Variants in RIC1 observed in about 807,000 individuals in gnomAD.
RIC1 encodes guanine nucleotide exchange factor subunit RIC1.
RIC1 carries 88 observed loss-of-function variants against 169.0 expected under a neutral mutation model. That is an observed-to-expected ratio of 0.52 (90% confidence interval 0.44 to 0.62). The LOEUF is 0.62. RIC1 is among the 20% of genes least tolerant of loss of function. RIC1 has a pLI of 0.00. For missense variants in RIC1, 1,877 were observed against 1,725.5 expected (o/e 1.09, Z -1.56); for synonymous variants, 790 against 601.5 (o/e 1.31, Z -4.59).
At chr9:5,635,697 A>G (rs1371914910) in intron 1 of RIC1, among the ~76,000 whole-genome samples, 1 of 152,160 alleles carries the variant, frequency 6.6e-6, no homozygotes, top group African/African-American at 2.4e-5. Context: ...AGGACCTGGT[A>G]GGGGGTCATT....
chr9:5,721,555 A>G lies in RIC1; in HGVS notation c.720+805A>G, dbSNP rs148939745. On this transcript the variant is annotated intron_variant, in intron 6 of 25. Coordinates refer to ENST00000414202, the MANE Select transcript of RIC1 (RefSeq NM_020829.4). ...TTGTGGGCATTATTCAGAAAGAATC[A>G]CTCAGGAAACGGCAAACGGGCAGTT... Among the ~76,000 whole-genome samples, 58 of 152,250 alleles carry G rather than the reference A, an allele frequency of 3.8e-4. 3 individuals carry two copies. Among genetic ancestry groups the G allele is most frequent in the Admixed American group, 3.5e-3 (53 of 15,294 alleles).
At chr9:5,751,202 G>T (rs546528794) in intron 12 of RIC1, among the ~76,000 whole-genome samples, 4 of 151,760 alleles carry the variant, frequency 2.6e-5, no homozygotes, top group Non-Finnish European at 5.9e-5. Flanking sequence ...TAGTGCAATG[G>T]ATGATTGACA....
intron 18 of RIC1, 147 bp downstream of exon 18, chr9:5,762,807 AGACT>A (rs1270154485): frequency 5.7e-6 from 6 of 1,045,424 alleles, no homozygotes; most frequent in Admixed American, 2.8e-5. Context: ...TCTGGGTGTA[AGACT>A]GACTGACTGG....
intron 1 of RIC1, among the ~76,000 whole-genome samples, chr9:5,644,194 A>G (rs1453551832): frequency 6.6e-6 from 1 of 152,182 alleles, no homozygotes; most frequent in African/African-American, 2.4e-5. Flanking sequence ...TATCAGCCTT[A>G]AAAAGTACTA....
intron 2 of RIC1, among the ~76,000 whole-genome samples, chr9:5,677,855 T>G (rs924208581): frequency 2.0e-5 from 3 of 152,076 alleles, no homozygotes; most frequent in Non-Finnish European, 4.4e-5. Context: ...TTTTTAAATT[T>G]TATTATTATT....
intron 7 of RIC1, among the ~76,000 whole-genome samples, chr9:5,735,500 C>G (rs1824644045): frequency 6.6e-6 from 1 of 152,202 alleles, no homozygotes; most frequent in Admixed American, 6.5e-5. Flanking sequence ...TAGGTAGACT[C>G]TTGGCCTATA....
At chr9:5,652,610 A>G (rs2130418592) in intron 1 of RIC1, among the ~76,000 whole-genome samples, 1 of 152,006 alleles carries the variant, frequency 6.6e-6, no homozygotes, top group East Asian at 1.9e-4. Flanking sequence ...TGGCATCTTT[A>G]GGGTTTCTAT....
chr9:5,740,731 A>T (rs1262431238), intron 8 of RIC1, among the ~76,000 whole-genome samples: 1 of 151,750 alleles, frequency 6.6e-6, no homozygotes, highest in African/African-American at 2.4e-5. Context: ...GCCCACCCAG[A>T]TTAAGGGTGG....
chr9:5,659,947 G>T (rs1434991098), intron 2 of RIC1, among the ~76,000 whole-genome samples: 2 of 152,018 alleles, frequency 1.3e-5, no homozygotes, highest in East Asian at 1.9e-4. Context: ...CATCACCTAG[G>T]TATTAAGCCC....
chr9:5,763,432 A>G lies in RIC1; in HGVS notation c.2405A>G (p.Tyr802Cys), dbSNP rs1358139015. 1 of 1,614,016 alleles carries G rather than the reference A, an allele frequency of 6.2e-7. No homozygotes were observed. The highest frequency in any genetic ancestry group is 8.5e-7 in the Non-Finnish European group (1 of 1,180,026). ...GACACTTTGCTCTATGATTCTTTATATACTCGGAACAATGCTAGAGAACAG... is the reference window on the plus strand; with the variant it reads ...GACACTTTGCTCTATGATTCTTTATGTACTCGGAACAATGCTAGAGAACAG... The part of the protein sequence containing the change: ...VNDTLLYDSL[Y>C]TRNNAREQLE... Residue 802 changes from tyrosine to cysteine, a missense_variant, in exon 19 of 26, where the codon TAT becomes TGT. Physicochemically the swap from Tyr to Cys is radical, Grantham distance 194. This residue lies in a region of RIC1 where 1,104 missense variants were observed against 992.0 expected (regional missense o/e 1.11). Coordinates refer to ENST00000414202, the MANE Select transcript of RIC1 (RefSeq NM_020829.4). The surrounding 1 kb of genome is among the most constrained non-coding windows in gnomAD (Gnocchi z 5.2).
At chr9:5,713,240 C>T (rs1056372662) in intron 3 of RIC1, 1 of 152,156 alleles carries the variant, frequency 6.6e-6, no homozygotes, top group Non-Finnish European at 1.5e-5. Flanking sequence ...TCTACCATGC[C>T]ATGTGGAGAT....
At chr9:5,698,998 A>C (rs79554565) in intron 3 of RIC1, among the ~76,000 whole-genome samples, 1,696 of 152,340 alleles carry the variant, frequency 0.011, 35 homozygotes, top group African/African-American at 0.039. Flanking sequence ...AGATTGAGTC[A>C]TGTATCAAAT....
In RIC1 at chr9:5,769,419, C is replaced by T. The variant is rs1242807855; in HGVS notation, c.3424+163C>T. The T allele has an allele frequency of 3.2e-6, 5 of 1,547,530 alleles. No homozygotes were observed. The African/African-American group carries it at 5.5e-5, about 17-fold the overall frequency. ...ATGAGTTGGAATGCCCACTGTTTGA[C>T]CAAAGATGTAAATAAAGTAGAACCT... On this transcript the variant is annotated intron_variant, in intron 22 of 25. Transcript: ENST00000414202.
chr9:5,690,776 A>G (rs868041542), intron 3 of RIC1, among the ~76,000 whole-genome samples: 2 of 151,954 alleles, frequency 1.3e-5, no homozygotes, highest in African/African-American at 2.4e-5. Flanking sequence ...TTTGTGGTAA[A>G]TAGGGCCAAG....
intron 3 of RIC1, among the ~76,000 whole-genome samples, chr9:5,691,987 G>GC (rs1440213279): frequency 1.3e-5 from 2 of 152,010 alleles, no homozygotes; most frequent in Non-Finnish European, 2.9e-5. Context: ...TTCTAAAACT[G>GC]CAAGAGACAC....
intron 3 of RIC1, chr9:5,712,773 A>G (rs1200745005): frequency 2.6e-5 from 4 of 152,238 alleles, no homozygotes. Flanking sequence ...CTATAAACTA[A>G]TTACTTTCAT....
At chr9:5,731,585 G>A (rs1216211849) in intron 6 of RIC1, among the ~76,000 whole-genome samples, 4 of 152,050 alleles carry the variant, frequency 2.6e-5, no homozygotes, top group Non-Finnish European at 5.9e-5. Context: ...CTTTGCCTTG[G>A]AATTTATCAT....
chr9:5,660,929 G>T (rs1819415486), intron 2 of RIC1, among the ~76,000 whole-genome samples: 1 of 152,096 alleles, frequency 6.6e-6, no homozygotes, highest in Non-Finnish European at 1.5e-5. Flanking sequence ...CTCTGCCTGT[G>T]CCTGTGTCCC....
chr9:5,745,810 C>T (rs1825342398), intron 10 of RIC1, 121 bp from the exon 11 acceptor site: 2 of 820,874 alleles, frequency 2.4e-6, no homozygotes, highest in Admixed American at 5.3e-5. Context: ...TTTCTCCAAC[C>T]TTCACAAATC....
Sources: gnomAD v4.1 joint callset for allele counts (sites outside exome capture counted in the v4.1 genomes callset) on GRCh38, gnomAD v4.1.1 for gene constraint, gnomAD v4.1.1 regional missense constraint, Gnocchi (gnomAD v3.1) non-coding constraint, MANE v1.5 for transcripts, NCBI Gene and HGNC (gene_info 2026-07-23, HGNC 2026-07-21) for gene names.